Variants in ERC2 observed in about 807,000 individuals in gnomAD.
ERC2 encodes ELKS/RAB6-interacting/CAST family member 2.
A neutral mutation model predicts 114.8 loss-of-function variants in ERC2; 42 were observed. The observed-to-expected ratio is 0.37, with a 90% CI of 0.29 to 0.47. The LOEUF is 0.47. Among genes scored for constraint, ERC2 ranks in the 20% least tolerant of loss-of-function variants. ERC2 has a pLI of 0.99. For missense variants in ERC2, 939 were observed against 1,150.7 expected, an observed-to-expected ratio of 0.82 and a Z score of 2.66; for synonymous variants, 454 against 425.5, an observed-to-expected ratio of 1.07 and a Z score of -0.82.
chr3:56,029,268 T>G (rs1262208572), intron 7 of ERC2, among the ~76,000 whole-genome samples: 1 of 152,166 alleles, frequency 6.6e-6, no homozygotes, highest in Middle Eastern at 3.4e-3. Flanking sequence ...GTTCTGCGGG[T>G]TTTTGGCTTT....
At chr3:56,309,008 A>G (rs2056389217) in intron 2 of ERC2, among the ~76,000 whole-genome samples, 1 of 152,098 alleles carries the variant, frequency 6.6e-6, no homozygotes, top group Non-Finnish European at 1.5e-5. Context: ...GCTGTACAAC[A>G]CTCTTCATGA....
intron 14 of ERC2, among the ~76,000 whole-genome samples, chr3:55,784,172 T>C (rs562960872): frequency 6.6e-6 from 1 of 151,996 alleles, no homozygotes; most frequent in African/African-American, 2.4e-5. Flanking sequence ...TTTGTTTTTG[T>C]TTGTTTGTTT....
chr3:55,700,150 T>A (rs534507589), intron 15 of ERC2, among the ~76,000 whole-genome samples: 1 of 152,304 alleles, frequency 6.6e-6, no homozygotes, highest in South Asian at 2.1e-4. Context: ...TAATTTACAA[T>A]CCACGATGCC....
At chr3:55,766,815 A>G (rs1403566335) in intron 14 of ERC2, 4 of 152,298 alleles carry the variant, frequency 2.6e-5, no homozygotes, top group African/African-American at 9.7e-5. Context: ...AATGTCTGAG[A>G]AAAAAGAGCT....
At chr3:55,748,144 T>C (rs188272465) in intron 14 of ERC2, among the ~76,000 whole-genome samples, 147 of 152,318 alleles carry the variant, frequency 9.7e-4, no homozygotes, top group African/African-American at 3.3e-3. Flanking sequence ...ATGGGTGGCC[T>C]TGTGGCTCAC....
Position 56,341,509 on chromosome 3 carries a change from C to G in ERC2, c.658-45074G>C, listed in dbSNP as rs974774225. On this transcript the variant is annotated intron_variant, in intron 2 of 17. Coordinates refer to ENST00000288221, the MANE Select transcript of ERC2 (RefSeq NM_015576.3). ...TGTTGGGATGAAAGGTTTATTTGTCCCCATTTGCAACACCCACCACAGATA... is the reference window on the plus strand; with the variant it reads ...TGTTGGGATGAAAGGTTTATTTGTCGCCATTTGCAACACCCACCACAGATA... Among the ~76,000 whole-genome samples the G allele has an allele frequency of 2.6e-5, 4 of 152,148 alleles. No homozygotes were observed. The Middle Eastern group carries it at 0.01, about 388-fold the overall frequency.
intron 7 of ERC2, among the ~76,000 whole-genome samples, chr3:56,038,513 A>G (rs1191246288): frequency 6.6e-6 from 1 of 152,226 alleles, no homozygotes; most frequent in Non-Finnish European, 1.5e-5. Context: ...ACCATTGTGG[A>G]GGACAGTGTG....
At chr3:55,672,338 C>CAA (rs546940629) in intron 17 of ERC2, among the ~76,000 whole-genome samples, 76 of 100,352 alleles carry the variant, frequency 7.6e-4, no homozygotes, top group East Asian at 7.2e-3. Flanking sequence ...GACCCTATCT[C>CAA]AAAAAAAAAA....
At position 55,509,535 on chromosome 3, in the gene ERC2, T is replaced by C. The variant is rs957221079; in HGVS notation, c.*1781A>G. 5.9e-5 allele frequency: 9 copies of C among 152,632 alleles called. No individual in the cohort carries two copies. The highest frequency in any genetic ancestry group is 1.9e-4 in the African/African-American group (8 of 41,588). The allele number at this position is 152,632 out of a possible 1,614,324, so 9.5% of individuals were successfully genotyped here. A position where few individuals can be genotyped will look rare whatever the true frequency, so the allele number is the denominator to read the frequency against. ...AACATGAATGCATTTGGATTGTTTA[T>C]GCAACACATAAGCATTACATAGTTT... is the stretch of plus-strand genomic sequence containing the variant. On this transcript the variant is annotated 3_prime_UTR_variant, in exon 18 of 18. Coordinates refer to ENST00000288221, the MANE Select transcript of ERC2 (RefSeq NM_015576.3).
intron 3 of ERC2, among the ~76,000 whole-genome samples, chr3:56,187,070 C>A (rs2083670279): frequency 6.6e-6 from 1 of 152,160 alleles, no homozygotes; most frequent in Admixed American, 6.5e-5. Flanking sequence ...TATAGGAAAT[C>A]TAACCTGAGC....
chr3:56,180,519 T>C (rs534841508), intron 3 of ERC2, among the ~76,000 whole-genome samples: 170 of 152,290 alleles, frequency 1.1e-3, no homozygotes, highest in Non-Finnish European at 2.0e-3. Flanking sequence ...TGCTACAACA[T>C]GGATAGACCT....
chr3:55,900,971 T>C (rs1447338800), intron 13 of ERC2, among the ~76,000 whole-genome samples: 1 of 152,182 alleles, frequency 6.6e-6, no homozygotes, highest in African/African-American at 2.4e-5. Context: ...TACCAGGATG[T>C]AAGACTGATT....
intron 14 of ERC2, among the ~76,000 whole-genome samples, chr3:55,854,397 T>G (rs1575858737): frequency 6.6e-6 from 1 of 152,276 alleles, no homozygotes; most frequent in East Asian, 1.9e-4. Context: ...TTTGGTTTGG[T>G]TTGGTTTGGT....
intron 6 of ERC2, among the ~76,000 whole-genome samples, chr3:56,093,605 A>G (rs2077905815): frequency 6.6e-6 from 1 of 152,182 alleles, no homozygotes; most frequent in African/African-American, 2.4e-5. Flanking sequence ...ATGCGTGGAA[A>G]ACACTATCCT....
chr3:56,197,182 T>C (rs2048158582), intron 3 of ERC2, among the ~76,000 whole-genome samples: 1 of 152,160 alleles, frequency 6.6e-6, no homozygotes, highest in Non-Finnish European at 1.5e-5. Flanking sequence ...GAATTCAAAA[T>C]CTGGCTCCTC....
At chr3:55,774,266 T>G (rs73831506) in intron 14 of ERC2, among the ~76,000 whole-genome samples, 430 of 152,318 alleles carry the variant, frequency 2.8e-3, no homozygotes, top group African/African-American at 1.0e-2. Context: ...TCATGGGATC[T>G]CAGGCAGTGA....
rs572637225 is a variant in ERC2 at position 56,100,740 on chromosome 3, T to C, written c.1474-19756A>G. On this transcript the variant is annotated intron_variant, in intron 6 of 17. Transcript: ENST00000288221. ...AGATCAGGGATAGGGCATGCTCCCA[T>C]GCCATTCCTTTCTGTATATTCCCTG... 6.6e-5 allele frequency among the ~76,000 whole-genome samples: 10 copies of C among 152,340 alleles called. No homozygotes were observed. The South Asian group carries it at 1.7e-3, about 25-fold the overall frequency.
At chr3:56,281,946 A>G (rs1002245184) in intron 3 of ERC2, among the ~76,000 whole-genome samples, 2 of 152,248 alleles carry the variant, frequency 1.3e-5, no homozygotes, top group Admixed American at 1.3e-4. Flanking sequence ...CAAAGGGTGC[A>G]TGAACTTGCT....
chr3:55,914,270 C>T (rs1226319705), intron 13 of ERC2, among the ~76,000 whole-genome samples: 1 of 152,130 alleles, frequency 6.6e-6, no homozygotes, highest in Non-Finnish European at 1.5e-5. Flanking sequence ...CACGCGCTCC[C>T]AAACCCTTTC....
Sources: gnomAD v4.1 joint callset for allele counts (sites outside exome capture counted in the v4.1 genomes callset) on GRCh38, gnomAD v4.1.1 for gene constraint, MANE v1.5 for transcripts, NCBI Gene and HGNC (gene_info 2026-07-23, HGNC 2026-07-21) for gene names.